The following RFX4 variants were observed in gnomAD, a reference collection of about 807,000 sequenced individuals.
RFX4 encodes transcription factor RFX4.
Under a neutral mutation model 95.0 loss-of-function variants are expected in RFX4, and 10 were observed. The ratio of observed to expected loss-of-function variants is 0.11; its 90% CI spans 0.06 to 0.18. The LOEUF is 0.18. Ranked by LOEUF, RFX4 falls within the 10% of genes least tolerant of loss-of-function variation. The probability of loss-of-function intolerance (pLI) is 1.00; values close to 1 mark genes in which losing one functional copy is unlikely to be tolerated. For missense variants in RFX4, 640 were observed against 922.0 expected, an observed-to-expected ratio of 0.69 and a Z score of 3.96; for synonymous variants, 321 against 340.7, an observed-to-expected ratio of 0.94 and a Z score of 0.64.
chr12:106,734,938 C>T (rs1243616572), intron 15 of RFX4, among the ~76,000 whole-genome samples: 1 of 151,390 alleles, frequency 6.6e-6, no homozygotes, highest in Non-Finnish European at 1.5e-5. Flanking sequence ...TGGTGGTGTG[C>T]ACCTGTGGTG....
intron 11 of RFX4, 27 bp from the exon 12 acceptor site, chr12:106,719,933 C>G: frequency 6.5e-7 from 1 of 1,549,510 alleles, no homozygotes; most frequent in South Asian, 1.1e-5. Context: ...TGCAGTGATG[C>G]GTGTGGGGTT....
intron 8 of RFX4, among the ~76,000 whole-genome samples, chr12:106,706,701 T>C (rs528483645): frequency 1.3e-5 from 2 of 152,284 alleles, no homozygotes; most frequent in East Asian, 1.9e-4. Context: ...TACCATGATG[T>C]TGCCAATAAA....
intron 1 of RFX4, among the ~76,000 whole-genome samples, chr12:106,607,776 TGAA>T: frequency 6.6e-6 from 1 of 152,054 alleles, no homozygotes; most frequent in African/African-American, 2.4e-5. Context: ...AATGAATGAA[TGAA>T]TGAATGAATG....
chr12:106,693,329 C>T (rs1451219956), intron 7 of RFX4, among the ~76,000 whole-genome samples: 2 of 152,198 alleles, frequency 1.3e-5, no homozygotes, highest in Admixed American at 1.3e-4. Context: ...CCCAGTGCAG[C>T]TTGAACAGGC....
intron 11 of RFX4, among the ~76,000 whole-genome samples, chr12:106,718,967 A>AG (rs1162219561): frequency 6.6e-6 from 1 of 151,522 alleles, no homozygotes; most frequent in African/African-American, 2.4e-5. Flanking sequence ...AAAAAAAAAA[A>AG]AAAAATTAGC....
At chr12:106,709,095 C>T (rs1269480538) in intron 8 of RFX4, among the ~76,000 whole-genome samples, 4 of 151,566 alleles carry the variant, frequency 2.6e-5, no homozygotes, top group African/African-American at 9.8e-5. Flanking sequence ...TGGATGCCAC[C>T]AAGCCTTGCA....
At chr12:106,732,015 T>C (rs1043111776) in intron 13 of RFX4, 115 bp from the exon 14 acceptor site, 12 of 1,444,958 alleles carry the variant, frequency 8.3e-6, no homozygotes, top group Non-Finnish European at 1.0e-5. Flanking sequence ...GAGTGGAAAA[T>C]TAGACTCTTG....
intron 1 of RFX4, among the ~76,000 whole-genome samples, chr12:106,595,773 G>A (rs541729027): frequency 4.3e-4 from 66 of 152,260 alleles, no homozygotes; most frequent in Non-Finnish European, 9.0e-4. Context: ...TATAATCATC[G>A]ATAGAATCAT....
At chr12:106,598,352 T>C (rs147012116) in intron 1 of RFX4, among the ~76,000 whole-genome samples, 105 of 152,222 alleles carry the variant, frequency 6.9e-4, no homozygotes, top group Non-Finnish European at 1.2e-3. Context: ...TGTAGTGACC[T>C]AGGAAAAATC....
intron 16 of RFX4, 127 bp from the exon 17 acceptor site, chr12:106,750,527 AG>A (rs2042981824): frequency 3.2e-6 from 3 of 925,786 alleles, no homozygotes; most frequent in South Asian, 2.7e-5. Flanking sequence ...TTGGGGGTGA[AG>A]GGGGGAAGAA....
chr12:106,646,741 C>G (rs1857824104), intron 3 of RFX4, among the ~76,000 whole-genome samples: 1 of 152,108 alleles, frequency 6.6e-6, no homozygotes, highest in South Asian at 2.1e-4. Flanking sequence ...CATGAAAATC[C>G]TGTAGAGAAG....
chr12:106,696,207 C>A, intron 7 of RFX4, 76 bp from the exon 8 acceptor site: 2 of 1,550,812 alleles, frequency 1.3e-6, no homozygotes, highest in Non-Finnish European at 1.8e-6. Flanking sequence ...ACTGGGTTGG[C>A]CTTGGTGGAG....
rs150791957 is a variant in RFX4 at position 106,665,667 on chromosome 12, A to C, written c.315+11316A>C. On this transcript the variant is annotated intron_variant, in intron 4 of 17. Coordinates refer to ENST00000392842, the MANE Select transcript of RFX4 (RefSeq NM_213594.3). The stretch of plus-strand genomic sequence containing the variant: ...TAGCATATGTTATACTTTAACATAA[A>C]AAAACCTTTTAAATGGCCTTCCTAT... Among the ~76,000 whole-genome samples, 397 of 152,082 alleles carry C rather than the reference A, an allele frequency of 2.6e-3. 8 individuals are homozygous for C. In the East Asian group the frequency reaches 0.048, roughly 18 times the overall value.
intron 3 of RFX4, among the ~76,000 whole-genome samples, chr12:106,649,610 C>T (rs948002101): frequency 6.6e-6 from 1 of 152,154 alleles, no homozygotes; most frequent in African/African-American, 2.4e-5. Flanking sequence ...TGTTTCTTAA[C>T]CATGATCTTG....
chr12:106,758,523 C>T (rs1328505818), intron 17 of RFX4, among the ~76,000 whole-genome samples: 1 of 152,156 alleles, frequency 6.6e-6, no homozygotes, highest in Non-Finnish European at 1.5e-5. Context: ...CACACTCTCT[C>T]GGGTTCTGTG....
intron 4 of RFX4, among the ~76,000 whole-genome samples, chr12:106,674,578 C>T (rs1025863272): frequency 6.6e-6 from 1 of 152,200 alleles, no homozygotes; most frequent in African/African-American, 2.4e-5. Context: ...GATCTGCCTG[C>T]CTCACCCTCC....
intron 2 of RFX4, among the ~76,000 whole-genome samples, chr12:106,621,686 C>A (rs927618996): frequency 6.6e-6 from 1 of 152,190 alleles, no homozygotes; most frequent in African/African-American, 2.4e-5. Context: ...GTTCTCTTCT[C>A]TTTGGAATTT....
At chr12:106,678,126 A>G (rs1012988590) in intron 4 of RFX4, among the ~76,000 whole-genome samples, 4 of 152,240 alleles carry the variant, frequency 2.6e-5, no homozygotes. Flanking sequence ...CCTCAAGATC[A>G]CAGTGCGTAG....
At chr12:106,609,853 C>G (rs957458248) in intron 2 of RFX4, among the ~76,000 whole-genome samples, 13 of 152,232 alleles carry the variant, frequency 8.5e-5, no homozygotes, top group African/African-American at 3.1e-4. Flanking sequence ...CTGTCAATCA[C>G]TACTGTCCTG....
Sources: gnomAD v4.1 joint callset for allele counts (sites outside exome capture counted in the v4.1 genomes callset) on GRCh38, gnomAD v4.1.1 for gene constraint, MANE v1.5 for transcripts, NCBI Gene and HGNC (gene_info 2026-07-23, HGNC 2026-07-21) for gene names.